Variants in MALRD1 observed in about 807,000 individuals in gnomAD.
The protein encoded by MALRD1 is MAM and LDL-receptor class A domain-containing protein 1.
MALRD1 carries 247 observed loss-of-function variants against 242.1 expected under a neutral mutation model. That is an observed-to-expected ratio of 1.02 (90% CI 0.92 to 1.13). MALRD1 has a LOEUF of 1.13. Among genes scored for constraint, MALRD1 ranks in the 50% most tolerant of loss-of-function variants. The pLI is 0.00. For synonymous variants in MALRD1, 995 were observed against 866.6 expected, an observed-to-expected ratio of 1.15 and a Z score of -2.60; for missense variants, 2,989 against 2,533.1, an observed-to-expected ratio of 1.18 and a Z score of -3.86.
intron 14 of MALRD1, among the ~76,000 whole-genome samples, chr10:19,195,648 G>A (rs1405034072): frequency 6.6e-6 from 1 of 152,110 alleles, no homozygotes; most frequent in Non-Finnish European, 1.5e-5. Flanking sequence ...CCATTCTTCA[G>A]TTGCTACAGG....
chr10:19,612,315 A>T (rs1329827327), intron 35 of MALRD1, among the ~76,000 whole-genome samples: 1 of 151,804 alleles, frequency 6.6e-6, no homozygotes, highest in Admixed American at 6.6e-5. Context: ...TGAGGTATGG[A>T]GCTCCTTACT....
chr10:19,214,533 T>C (rs1003253910), intron 18 of MALRD1, among the ~76,000 whole-genome samples: 1 of 152,212 alleles, frequency 6.6e-6, no homozygotes, highest in African/African-American at 2.4e-5. Context: ...GAACTTTCTG[T>C]CCATTGAATG....
intron 38 of MALRD1, among the ~76,000 whole-genome samples, chr10:19,701,769 C>T (rs1304431123): frequency 1.5e-5 from 2 of 131,242 alleles, no homozygotes; most frequent in Non-Finnish European, 3.2e-5. Context: ...TTCCCCTTCT[C>T]TTCTTCTCCC....
chr10:19,155,791 C>T (rs1025806390), intron 12 of MALRD1, among the ~76,000 whole-genome samples: 10 of 152,060 alleles, frequency 6.6e-5, no homozygotes, highest in African/African-American at 2.4e-4. Flanking sequence ...GAAGCATACA[C>T]GATTATATGG....
chr10:19,557,277 A>C (rs780826985), intron 32 of MALRD1, among the ~76,000 whole-genome samples: 1 of 152,036 alleles, frequency 6.6e-6, no homozygotes, highest in Non-Finnish European at 1.5e-5. Context: ...TTTACATAGA[A>C]GTTTTTAATT....
intron 33 of MALRD1, among the ~76,000 whole-genome samples, chr10:19,591,406 A>G (rs1245368679): frequency 1.3e-5 from 2 of 152,146 alleles, no homozygotes; most frequent in South Asian, 2.1e-4. Context: ...AGGTAAATCC[A>G]TGGGTGAAAC....
intron 21 of MALRD1, among the ~76,000 whole-genome samples, chr10:19,310,205 A>G (rs1372199990): frequency 1.3e-5 from 2 of 151,422 alleles, no homozygotes; most frequent in African/African-American, 4.8e-5. Flanking sequence ...GAAATGAAGG[A>G]AAGGATGTGC....
At chr10:19,063,992 A>G (rs1001542766) in intron 1 of MALRD1, among the ~76,000 whole-genome samples, 18 of 152,086 alleles carry the variant, frequency 1.2e-4, no homozygotes, top group Non-Finnish European at 2.6e-4. Flanking sequence ...TTTTCTTTCC[A>G]TTATCGTGTT....
chr10:19,584,314 G>A (rs1383175932), intron 33 of MALRD1, among the ~76,000 whole-genome samples: 1 of 152,122 alleles, frequency 6.6e-6, no homozygotes, highest in Non-Finnish European at 1.5e-5. Context: ...TAATTGTGAT[G>A]TTAGGATGTC....
At chr10:19,447,804 C>G (rs932877676) in intron 28 of MALRD1, among the ~76,000 whole-genome samples, 2 of 152,112 alleles carry the variant, frequency 1.3e-5, no homozygotes, top group African/African-American at 4.8e-5. Context: ...TAAGACATCA[C>G]TGAGAGTCAA....
chr10:19,333,834 G>A lies in MALRD1; in HGVS notation c.3901+2252G>A, dbSNP rs181300869. On this transcript the variant is annotated intron_variant, in intron 24 of 39. Transcript: ENST00000454679. ...GTTCTTTTTTGGCTTTTTAATAAAG[G>A]CATTTTGACTAGTGTAAGATGGTAT... is the stretch of plus-strand genomic sequence containing the variant. Among the ~76,000 whole-genome samples, 848 of 151,778 alleles carry A rather than the reference G, an allele frequency of 5.6e-3. 6 individuals carry two copies. Among genetic ancestry groups the A allele is most frequent in the South Asian group, 0.013 (62 of 4,792 alleles).
intron 1 of MALRD1, among the ~76,000 whole-genome samples, chr10:19,063,871 C>A (rs1834894652): frequency 6.6e-6 from 1 of 151,928 alleles, no homozygotes. Flanking sequence ...TGCAGCACAC[C>A]AGCATGGCAC....
intron 29 of MALRD1, among the ~76,000 whole-genome samples, chr10:19,484,468 G>T (rs1477248034): frequency 1.3e-5 from 2 of 151,990 alleles, no homozygotes; most frequent in Non-Finnish European, 2.9e-5. Context: ...TTAGCATAAA[G>T]CTCATCTTAA....
rs376602226 is a variant in MALRD1 at position 19,367,640 on chromosome 10, G to T, written c.4441+15343G>T. ...CTCCTTCGGATAAATGCCCATGGGG[G>T]AATTGTATGGCAGTTCTATTTGAAG... On this transcript the variant is annotated intron_variant, in intron 26 of 39. Transcript: ENST00000454679. 8.5e-5 allele frequency among the ~76,000 whole-genome samples: 13 copies of T among 152,208 alleles called. No individual in the cohort carries two copies. In the South Asian group the frequency reaches 2.7e-3, roughly 32 times the overall value.
intron 26 of MALRD1, among the ~76,000 whole-genome samples, chr10:19,363,039 A>G (rs765550957): frequency 6.6e-6 from 1 of 152,114 alleles, no homozygotes; most frequent in Non-Finnish European, 1.5e-5. Context: ...GAGTTCAGGC[A>G]TTCAATTTGG....
chr10:19,495,728 T>C (rs1430184708), intron 30 of MALRD1, among the ~76,000 whole-genome samples: 1 of 152,140 alleles, frequency 6.6e-6, no homozygotes, highest in Non-Finnish European at 1.5e-5. Context: ...CATTGTCATG[T>C]TAACCTTGAA....
intron 33 of MALRD1, among the ~76,000 whole-genome samples, chr10:19,574,383 A>T (rs1425695854): frequency 1.3e-5 from 2 of 152,226 alleles, no homozygotes; most frequent in Non-Finnish European, 2.9e-5. Context: ...ATTAAGTAAA[A>T]GTCACTATCA....
chr10:19,467,392 C>A (rs1192837006), intron 29 of MALRD1, among the ~76,000 whole-genome samples: 333 of 53,590 alleles, frequency 6.2e-3, no homozygotes, highest in Middle Eastern at 0.04. Flanking sequence ...GACTCCGTCT[C>A]AAAAAAAAAA....
intron 36 of MALRD1, among the ~76,000 whole-genome samples, chr10:19,683,059 C>T (rs576624788): frequency 6.6e-5 from 10 of 151,608 alleles, no homozygotes; most frequent in African/African-American, 1.7e-4. Flanking sequence ...TTTGGGAGGC[C>T]GAGGCAGGCA....
Sources: gnomAD v4.1 joint callset for allele counts (sites outside exome capture counted in the v4.1 genomes callset) on GRCh38, gnomAD v4.1.1 for gene constraint, MANE v1.5 for transcripts, NCBI Gene and HGNC (gene_info 2026-07-23, HGNC 2026-07-21) for gene names.